SNX10: variants seen among roughly 807,000 people sequenced by gnomAD.
SNX10 encodes sorting nexin 10.
In SNX10, 25 loss-of-function variants were observed where a neutral mutation model predicts 28.5. That is an observed-to-expected ratio of 0.88 (90% CI 0.64 to 1.22). The LOEUF (loss-of-function observed/expected upper bound fraction) is 1.22. SNX10 is among the 50% of genes most tolerant of loss of function. The pLI is 0.00. For missense variants in SNX10, 223 were observed against 242.6 expected, an observed-to-expected ratio of 0.92 and a Z score of 0.54; for synonymous variants, 62 against 81.4, an observed-to-expected ratio of 0.76 and a Z score of 1.28.
chr7:26,304,396 T>G (rs1178154834), intron 1 of SNX10, among the ~76,000 whole-genome samples: 1 of 152,232 alleles, frequency 6.6e-6, no homozygotes, highest in Non-Finnish European at 1.5e-5. Flanking sequence ...CGAGTCTCTC[T>G]GGTTCCACTT....
At chr7:26,323,609 C>T (rs528051430) in intron 1 of SNX10, among the ~76,000 whole-genome samples, 3 of 152,178 alleles carry the variant, frequency 2.0e-5, no homozygotes, top group Admixed American at 6.5e-5. Flanking sequence ...AGGGATTTAC[C>T]GTTTATTTCT....
Position 26,360,959 on chromosome 7 carries a change from T to A in SNX10, c.25-16T>A. 1 of 1,612,668 alleles carries A rather than the reference T, an allele frequency of 6.2e-7. No homozygotes were observed. Among genetic ancestry groups the A allele is most frequent in the East Asian group, 2.2e-5 (1 of 44,806 alleles). Reference sequence around the variant, plus strand: ...CAGTTCTGAAGAATATTTCTTTGTTTATGATGCCATTACAGGAATTTGTAA... The same window carrying A: ...CAGTTCTGAAGAATATTTCTTTGTTAATGATGCCATTACAGGAATTTGTAA... On this transcript the variant is annotated splice_polypyrimidine_tract_variant and intron_variant, in intron 2 of 6. Coordinates refer to ENST00000338523, the MANE Select transcript of SNX10 (RefSeq NM_013322.3).
intron 1 of SNX10, among the ~76,000 whole-genome samples, chr7:26,305,634 A>G (rs763827995): frequency 6.6e-6 from 1 of 152,176 alleles, no homozygotes; most frequent in Non-Finnish European, 1.5e-5. Context: ...CTGTCTAAAC[A>G]CACAGGAAAC....
At chr7:26,326,922 T>C (rs1226670561) in intron 1 of SNX10, among the ~76,000 whole-genome samples, 1 of 151,752 alleles carries the variant, frequency 6.6e-6, no homozygotes, top group African/African-American at 2.4e-5. Context: ...GATTATCCTT[T>C]AGAAGCACTG....
chr7:26,319,795 G>A (rs930922248), intron 1 of SNX10, among the ~76,000 whole-genome samples: 6 of 152,054 alleles, frequency 3.9e-5, no homozygotes, highest in African/African-American at 1.4e-4. Context: ...AAGGCGGGGG[G>A]GAAATGACAA....
intron 2 of SNX10, among the ~76,000 whole-genome samples, chr7:26,348,637 C>T (rs548395995): frequency 1.1e-4 from 16 of 152,168 alleles, no homozygotes; most frequent in Non-Finnish European, 2.2e-4. Context: ...CTGGAATGAT[C>T]GCCTGGCGTC....
At chr7:26,372,062 TATGTA>T in intron 6 of SNX10, 29 bp downstream of exon 6, 1 of 1,389,948 alleles carries the variant, frequency 7.2e-7, no homozygotes, top group Non-Finnish European at 1.0e-6. Flanking sequence ...ATTTAATGTA[TATGTA>T]TTTATATAAT....
chr7:26,358,805 G>GGTTTTTTTTTTTTTTTTT (rs1554360945), intron 2 of SNX10, among the ~76,000 whole-genome samples: 1 of 100,112 alleles, frequency 1.0e-5, no homozygotes, highest in African/African-American at 4.4e-5. Context: ...GTTATCTTGT[G>GGTTTTTTTTTTTTTTTTT]TTTTTTTTTT....
intron 2 of SNX10, among the ~76,000 whole-genome samples, chr7:26,358,805 G>GTGTTTTTTTTTTTTTT (rs1788936953): frequency 1.0e-5 from 1 of 100,112 alleles, no homozygotes; most frequent in African/African-American, 4.4e-5. Flanking sequence ...GTTATCTTGT[G>GTGTTTTTTTTTTTTTT]TTTTTTTTTT....
At chr7:26,320,130 C>T (rs1787254716) in intron 1 of SNX10, among the ~76,000 whole-genome samples, 1 of 151,758 alleles carries the variant, frequency 6.6e-6, no homozygotes, top group Admixed American at 6.6e-5. Context: ...TACAGGTGCC[C>T]ACCAGCACAA....
At chr7:26,339,866 T>TA (rs1257309659) in intron 1 of SNX10, among the ~76,000 whole-genome samples, 15 of 147,448 alleles carry the variant, frequency 1.0e-4, no homozygotes, top group Non-Finnish European at 1.8e-4. Context: ...TTTTTTTTTT[T>TA]AAATAGTTGG....
At chr7:26,349,639 T>A (rs1197655112) in intron 2 of SNX10, among the ~76,000 whole-genome samples, 6 of 152,222 alleles carry the variant, frequency 3.9e-5, no homozygotes. Context: ...GGTTACATAT[T>A]TTAATAAGAA....
At chr7:26,299,011 T>G (rs1562780643) in intron 1 of SNX10, among the ~76,000 whole-genome samples, 1 of 152,178 alleles carries the variant, frequency 6.6e-6, no homozygotes, top group Non-Finnish European at 1.5e-5. Context: ...ATATGCATTT[T>G]GGCAGGACAC....
intron 1 of SNX10, among the ~76,000 whole-genome samples, chr7:26,343,777 C>T (rs900440243): frequency 4.6e-5 from 7 of 152,252 alleles, no homozygotes; most frequent in East Asian, 1.9e-4. Context: ...CCATGATAAC[C>T]GGACTTGAGC....
intron 1 of SNX10, among the ~76,000 whole-genome samples, chr7:26,303,550 C>T (rs1786460546): frequency 6.6e-6 from 1 of 152,190 alleles, no homozygotes; most frequent in Non-Finnish European, 1.5e-5. Context: ...CCTCACCTTT[C>T]CTCTACTCAT....
chr7:26,356,580 G>A (rs558852020), intron 2 of SNX10, among the ~76,000 whole-genome samples: 4 of 152,120 alleles, frequency 2.6e-5, no homozygotes, highest in Admixed American at 2.0e-4. Context: ...ATTGCAGAGT[G>A]GGGGAGGAGG....
intron 1 of SNX10, among the ~76,000 whole-genome samples, chr7:26,327,686 A>G (rs1252905486): frequency 7.4e-6 from 1 of 135,924 alleles, no homozygotes; most frequent in Non-Finnish European, 1.6e-5. Flanking sequence ...CATTGATTTC[A>G]TCACTCATTT....
intron 1 of SNX10, among the ~76,000 whole-genome samples, chr7:26,296,928 G>A (rs757330877): frequency 6.6e-6 from 1 of 152,204 alleles, no homozygotes; most frequent in Admixed American, 6.5e-5. Flanking sequence ...GGAATTGAGT[G>A]TATGATAAAA....
intron 1 of SNX10, among the ~76,000 whole-genome samples, chr7:26,308,607 T>A (rs907557111): frequency 2.6e-5 from 4 of 152,150 alleles, no homozygotes; most frequent in African/African-American, 9.7e-5. Flanking sequence ...GGGAGCTCCA[T>A]ACCCATACCT....
Sources: allele counts gnomAD v4.1 joint callset (sites outside exome capture counted in the v4.1 genomes callset), GRCh38; gene constraint gnomAD v4.1.1; transcripts MANE v1.5; gene names NCBI Gene and HGNC (gene_info 2026-07-23, HGNC 2026-07-21).